The following CSMD2 variants were observed in gnomAD, a reference collection of about 807,000 sequenced individuals.
CSMD2 encodes the protein CUB and sushi domain-containing protein 2.
A neutral mutation model predicts 398.5 loss-of-function variants in CSMD2; 130 were observed. The observed-to-expected ratio is 0.33, with a 90% CI of 0.28 to 0.38. The LOEUF (loss-of-function observed/expected upper bound fraction) is 0.38, where lower values mean the gene tolerates loss of function less well. CSMD2 is among the 10% of genes least tolerant of loss of function. The pLI, the probability that CSMD2 is intolerant of heterozygous loss-of-function variation, is 1.00. For synonymous variants in CSMD2, 1,828 were observed against 1,908.5 expected, an observed-to-expected ratio of 0.96 and a Z score of 1.10; for missense variants, 3,829 against 4,764.9, an observed-to-expected ratio of 0.80 and a Z score of 5.78.
In CSMD2 at chr1:33,998,113, C is replaced by T. The variant is rs6698800; in HGVS notation, c.517+34481G>A. Among the ~76,000 whole-genome samples the T allele has an allele frequency of 9.5e-3, 1,445 of 152,182 alleles. 21 individuals are homozygous for T. Among genetic ancestry groups the T allele is most frequent in the African/African-American group, 0.033 (1,376 of 41,494 alleles). ...CCTCATGAATGGATTAATCCATTCACGGATTAATGGGCTAATGGGTTAATG... is the reference window on the plus strand; with the variant it reads ...CCTCATGAATGGATTAATCCATTCATGGATTAATGGGCTAATGGGTTAATG... On this transcript the variant is annotated intron_variant, in intron 3 of 70. Coordinates refer to ENST00000373381, the MANE Select transcript of CSMD2 (RefSeq NM_001281956.2).
intron 5 of CSMD2, among the ~76,000 whole-genome samples, chr1:33,852,722 T>TGCACAG (rs1375391482): frequency 6.6e-5 from 10 of 152,244 alleles, no homozygotes; most frequent in Non-Finnish European, 1.3e-4. Context: ...CTTCTTTTTG[T>TGCACAG]CTCAGTATCT....
At chr1:33,944,740 G>T (rs537367398) in intron 3 of CSMD2, among the ~76,000 whole-genome samples, 1 of 152,068 alleles carries the variant, frequency 6.6e-6, no homozygotes, top group Non-Finnish European at 1.5e-5. Context: ...TTTTTACAGG[G>T]AGGAAACTGA....
intron 1 of CSMD2, among the ~76,000 whole-genome samples, chr1:34,101,935 C>A (rs1293244667): frequency 1.3e-5 from 2 of 152,104 alleles, no homozygotes; most frequent in Non-Finnish European, 2.9e-5. Flanking sequence ...TTTATAGAGT[C>A]AGAATTTTAA....
At chr1:34,036,660 C>T (rs902685138) in intron 2 of CSMD2, among the ~76,000 whole-genome samples, 2 of 152,196 alleles carry the variant, frequency 1.3e-5, no homozygotes, top group African/African-American at 4.8e-5. Context: ...ACACACATTG[C>T]ACCAGTGGCA....
intron 3 of CSMD2, among the ~76,000 whole-genome samples, chr1:33,962,368 A>T (rs913588438): frequency 1.3e-5 from 2 of 152,262 alleles, no homozygotes; most frequent in East Asian, 3.9e-4. Flanking sequence ...GGCCACAGAA[A>T]GACTTCATTT....
chr1:33,830,394 C>A (rs1022414610), intron 6 of CSMD2, among the ~76,000 whole-genome samples: 5 of 152,208 alleles, frequency 3.3e-5, no homozygotes, highest in Non-Finnish European at 4.4e-5. Flanking sequence ...GATACCCAGG[C>A]AAACAGGGTC....
At chr1:34,084,961 C>G (rs1215917940) in intron 2 of CSMD2, among the ~76,000 whole-genome samples, 5 of 152,082 alleles carry the variant, frequency 3.3e-5, no homozygotes, top group African/African-American at 9.7e-5. Flanking sequence ...TTCATAATAG[C>G]AAAGACTTGG....
At chr1:34,107,919 C>G (rs1000895851) in intron 1 of CSMD2, among the ~76,000 whole-genome samples, 12 of 152,170 alleles carry the variant, frequency 7.9e-5, no homozygotes, top group African/African-American at 1.9e-4. Flanking sequence ...AGTGAATTGT[C>G]AAAATATGTG....
At chr1:33,829,431 T>A in intron 6 of CSMD2, among the ~76,000 whole-genome samples, 1 of 152,250 alleles carries the variant, frequency 6.6e-6, no homozygotes, top group East Asian at 1.9e-4. Flanking sequence ...AGGGTACATG[T>A]GCACAACGTG....
At chr1:33,661,382 A>T (rs1644127895) in intron 26 of CSMD2, among the ~76,000 whole-genome samples, 1 of 152,094 alleles carries the variant, frequency 6.6e-6, no homozygotes. Flanking sequence ...TGTTCCACGA[A>T]ATGTTAGTCT....
At chr1:33,789,678 G>A (rs987796945) in intron 11 of CSMD2, among the ~76,000 whole-genome samples, 5 of 152,254 alleles carry the variant, frequency 3.3e-5, no homozygotes, top group African/African-American at 1.2e-4. Context: ...TGTTGAGTCA[G>A]CTGCAGAGAG....
chr1:33,727,801 G>A (rs1646586959), intron 15 of CSMD2, among the ~76,000 whole-genome samples: 1 of 152,110 alleles, frequency 6.6e-6, no homozygotes, highest in South Asian at 2.1e-4. Flanking sequence ...GCTGGGATTT[G>A]GAGGTTGTAA....
chr1:33,925,260 CT>C (rs1359511576), intron 4 of CSMD2, among the ~76,000 whole-genome samples: 1 of 152,110 alleles, frequency 6.6e-6, no homozygotes, highest in African/African-American at 2.4e-5. Flanking sequence ...TTTCATTTTT[CT>C]GCATATGGTT....
At chr1:33,527,950 A>G (rs1654931452) in intron 64 of CSMD2, among the ~76,000 whole-genome samples, 1 of 151,736 alleles carries the variant, frequency 6.6e-6, no homozygotes, top group African/African-American at 2.4e-5. Flanking sequence ...CAAAAAAAAA[A>G]AAAAAAAAAA....
intron 60 of CSMD2, among the ~76,000 whole-genome samples, chr1:33,539,027 G>A (rs978547226): frequency 1.3e-5 from 2 of 152,100 alleles, no homozygotes; most frequent in African/African-American, 2.4e-5. Flanking sequence ...GAGTGCAGGG[G>A]TGCGATCTTG....
intron 60 of CSMD2, among the ~76,000 whole-genome samples, chr1:33,540,143 T>C (rs1324739274): frequency 6.6e-6 from 1 of 151,864 alleles, no homozygotes; most frequent in Non-Finnish European, 1.5e-5. Flanking sequence ...CACCAGAAAA[T>C]CACAGGTTTC....
In CSMD2 at chr1:33,680,007, G is replaced by A. The variant is rs1017587067; in HGVS notation, c.4052+12923C>T. Among the ~76,000 whole-genome samples, 14 of 151,294 alleles carry A rather than the reference G, an allele frequency of 9.3e-5. No homozygotes were observed. In the East Asian group the frequency reaches 1.9e-3, roughly 21 times the overall value. ...ACAATCTCAGCTCACTGCAAGCTCT[G>A]CCTCCCGGGTTCAAGCCATTCTCCT... is the stretch of plus-strand genomic sequence containing the variant. On this transcript the variant is annotated intron_variant, in intron 25 of 70. Coordinates refer to ENST00000373381, the MANE Select transcript of CSMD2 (RefSeq NM_001281956.2).
chr1:33,842,322 A>C (rs1660937064), intron 6 of CSMD2, among the ~76,000 whole-genome samples: 3 of 152,184 alleles, frequency 2.0e-5, no homozygotes, highest in Admixed American at 6.5e-5. Flanking sequence ...AAGATTCTTA[A>C]CCATTTTCTC....
intron 25 of CSMD2, among the ~76,000 whole-genome samples, chr1:33,686,938 G>A (rs1204900520): frequency 6.6e-6 from 1 of 152,134 alleles, no homozygotes; most frequent in African/African-American, 2.4e-5. Context: ...GCTCCAGGTG[G>A]GAGTTCTCAT....
Sources: allele counts gnomAD v4.1 joint callset (sites outside exome capture counted in the v4.1 genomes callset), GRCh38; gene constraint gnomAD v4.1.1; transcripts MANE v1.5; gene names NCBI Gene and HGNC (gene_info 2026-07-23, HGNC 2026-07-21).